The following CTBP2 variants were observed in gnomAD, a reference collection of about 807,000 sequenced individuals.
The protein encoded by CTBP2 is C-terminal-binding protein 2.
CTBP2 carries 30 observed loss-of-function variants against 80.3 expected under a neutral mutation model. That is an observed-to-expected ratio of 0.37 (90% CI 0.28 to 0.51). CTBP2 has a LOEUF of 0.51. Among genes scored for constraint, CTBP2 ranks in the 20% least tolerant of loss-of-function variants. The probability of loss-of-function intolerance (pLI) is 0.93; values close to 1 mark genes in which losing one functional copy is unlikely to be tolerated. For synonymous variants in CTBP2, 594 were observed against 587.4 expected (o/e 1.01, Z -0.16); for missense variants, 1,212 against 1,375.3 (o/e 0.88, Z 1.88).
Position 125,026,028 on chromosome 10 carries a change from A to AC in CTBP2, c.1678+53dup, listed in dbSNP as rs935072964. 20 of 1,520,586 alleles carry AC rather than the reference A, an allele frequency of 1.3e-5. No individual in the cohort carries two copies. The African/African-American group carries it at 2.5e-4, about 19-fold the overall frequency. 94.2% of individuals were successfully genotyped at this position (1,520,586 alleles called of 1,614,324 possible). A position where few individuals can be genotyped will look rare whatever the true frequency, so the allele number is the denominator to read the frequency against. ...TATGTTCAAACTTCTACAACCCCGCACCCCCCTGCTCCCCCCAGGTCCCCA... is the reference window on the plus strand; with the variant it reads ...TATGTTCAAACTTCTACAACCCCGCACCCCCCCTGCTCCCCCCAGGTCCCCA... On this transcript the variant is annotated intron_variant, in intron 1 of 8. Coordinates refer to ENST00000309035, the MANE Select transcript of CTBP2 (RefSeq NM_022802.3).
chr10:125,103,422 C>T (rs909830395), intron 2 of CTBP2, among the ~76,000 whole-genome samples: 3 of 152,214 alleles, frequency 2.0e-5, no homozygotes, highest in Non-Finnish European at 4.4e-5. Flanking sequence ...TAGTCAGAGT[C>T]CTGCTCCTTG....
intron 1 of CTBP2, among the ~76,000 whole-genome samples, chr10:125,134,723 G>A (rs1345981727): frequency 6.6e-6 from 1 of 152,082 alleles, no homozygotes; most frequent in Non-Finnish European, 1.5e-5. Flanking sequence ...CAGCACCCTG[G>A]GCCACCTCTG....
chr10:125,159,741 GCCCGCCGCAC>G (rs561749803), intron 1 of CTBP2: 12 of 149,136 alleles, frequency 8.0e-5, no homozygotes, highest in South Asian at 2.1e-4. Flanking sequence ...TAGGCGCAAG[GCCCGCCGCAC>G]CCCGGCGCGC....
intron 1 of CTBP2, among the ~76,000 whole-genome samples, chr10:125,004,358 C>T (rs888564394): frequency 1.3e-5 from 2 of 152,234 alleles, no homozygotes; most frequent in East Asian, 1.9e-4. Context: ...CAGGATGCAG[C>T]GAGAGCCTCA....
At chr10:125,161,692 A>C (rs1420888066), upstream of CTBP2, among the ~76,000 whole-genome samples, 1 of 151,784 alleles carries the variant, frequency 6.6e-6, no homozygotes, top group Non-Finnish European at 1.5e-5. Flanking sequence ...GCCCTAAAAG[A>C]AGCAAAACAT....
At chr10:125,062,764 G>C (rs1422568902) in intron 2 of CTBP2, among the ~76,000 whole-genome samples, 1 of 152,238 alleles carries the variant, frequency 6.6e-6, no homozygotes, top group Admixed American at 6.5e-5. Flanking sequence ...CAGGAGGGTT[G>C]AGGCAGGATA....
chr10:125,147,696 A>G (rs1442443478), intron 1 of CTBP2, among the ~76,000 whole-genome samples: 1 of 152,120 alleles, frequency 6.6e-6, no homozygotes, highest in Non-Finnish European at 1.5e-5. Context: ...TCAGGAGTTC[A>G]TGAGCAGTCC....
chr10:125,110,905 A>G (rs749963900), intron 2 of CTBP2, 85 bp downstream of exon 2: 4 of 152,450 alleles, frequency 2.6e-5, no homozygotes, highest in Non-Finnish European at 5.9e-5. Context: ...CAGGCAATCC[A>G]TACTCATCAA....
intron 1 of CTBP2, among the ~76,000 whole-genome samples, chr10:125,003,907 G>A (rs1954889666): frequency 6.6e-6 from 1 of 152,232 alleles, no homozygotes; most frequent in Non-Finnish European, 1.5e-5. Flanking sequence ...GACAGGCCCT[G>A]CACAAACAGG....
At chr10:125,014,552 G>A (rs1956279851) in intron 1 of CTBP2, among the ~76,000 whole-genome samples, 1 of 152,258 alleles carries the variant, frequency 6.6e-6, no homozygotes, top group South Asian at 2.1e-4. Context: ...AAGATTCAAT[G>A]CACACGAGGT....
Position 124,988,569 on chromosome 10 carries a change from CTA to C in CTBP2, c.*947_*948del, listed in dbSNP as rs920855900. 2 of 152,572 alleles carry C rather than the reference CTA, an allele frequency of 1.3e-5. No individual in the cohort carries two copies. The highest frequency in any genetic ancestry group is 4.8e-5 in the African/African-American group (2 of 41,448). The allele number at this position is 152,572 out of a possible 1,614,324, so 9.5% of individuals were successfully genotyped here. A position where few individuals can be genotyped will look rare whatever the true frequency, so the allele number is the denominator to read the frequency against. On this transcript the variant is annotated 3_prime_UTR_variant, in exon 9 of 9. Transcript: ENST00000309035. ...CAAAAAGGCAATGATTCACAAAAGA[CTA>C]TGAATAGAACATGTAACTAGTTGAT...
At chr10:125,142,502 T>A (rs1473315199) in intron 1 of CTBP2, among the ~76,000 whole-genome samples, 2 of 152,106 alleles carry the variant, frequency 1.3e-5, no homozygotes, top group Non-Finnish European at 2.9e-5. Context: ...AGGAACTCCA[T>A]AGGAGCACAG....
intron 2 of CTBP2, among the ~76,000 whole-genome samples, chr10:125,061,208 C>A (rs1055974734): frequency 1.3e-5 from 2 of 152,254 alleles, no homozygotes; most frequent in African/African-American, 4.8e-5. Context: ...ATTGCTAAAG[C>A]AAACATCTTA....
intron 1 of CTBP2, among the ~76,000 whole-genome samples, chr10:125,022,539 G>C (rs1251400300): frequency 6.6e-6 from 1 of 152,028 alleles, no homozygotes; most frequent in Admixed American, 6.5e-5. Context: ...GAGGAAGGAA[G>C]GAAGAAGTGA....
At chr10:124,994,711 G>A (rs773255956) in intron 4 of CTBP2, 28 bp from the exon 7 acceptor site, 6 of 1,610,984 alleles carry the variant, frequency 3.7e-6, no homozygotes, top group Non-Finnish European at 4.2e-6. Context: ...GTCCAGGTGA[G>A]TGAGTCCACA....
At chr10:125,062,834 G>T (rs1393918025) in intron 2 of CTBP2, among the ~76,000 whole-genome samples, 1 of 152,198 alleles carries the variant, frequency 6.6e-6, no homozygotes. Flanking sequence ...CTGGGCGCCT[G>T]GGCAACAAAG....
At chr10:125,025,624 T>G (rs1957457871) in intron 1 of CTBP2, among the ~76,000 whole-genome samples, 1 of 152,176 alleles carries the variant, frequency 6.6e-6, no homozygotes, top group Admixed American at 6.5e-5. Flanking sequence ...AGAGGTACGT[T>G]TCCACACGAT....
intron 1 of CTBP2, chr10:125,005,492 G>A: frequency 6.6e-7 from 1 of 1,519,094 alleles, no homozygotes; most frequent in Non-Finnish European, 8.9e-7. Context: ...GGAAAACAGG[G>A]CAGGGGAGGG....
chr10:125,045,359 G>T (rs1357879870), intron 2 of CTBP2, among the ~76,000 whole-genome samples: 4 of 152,136 alleles, frequency 2.6e-5, no homozygotes, highest in Middle Eastern at 3.2e-3. Flanking sequence ...AGTGAATATT[G>T]CTTCCTGATT....
Sources: gnomAD v4.1 joint callset for allele counts (sites outside exome capture counted in the v4.1 genomes callset) on GRCh38, gnomAD v4.1.1 for gene constraint, MANE v1.5 for transcripts, NCBI Gene and HGNC (gene_info 2026-07-23, HGNC 2026-07-21) for gene names.